The following LSAMP variants were observed in gnomAD, a reference collection of about 807,000 sequenced individuals.
LSAMP encodes the protein limbic system associated membrane protein, also known as limbic system-associated membrane protein.
In LSAMP, 7 loss-of-function variants were observed where a neutral mutation model predicts 38.6. The ratio of observed to expected loss-of-function variants is 0.18; its 90% CI spans 0.10 to 0.34. LSAMP has a LOEUF of 0.34. Ranked by LOEUF, LSAMP falls within the 10% of genes least tolerant of loss-of-function variation. The pLI, the probability that LSAMP is intolerant of heterozygous loss-of-function variation, is 1.00. For missense variants in LSAMP, 313 were observed against 420.0 expected (o/e 0.75, Z 2.23); for synonymous variants, 154 against 166.8 (o/e 0.92, Z 0.59).
chr3:116,350,876 A>T (rs1485891664), intron 1 of LSAMP, among the ~76,000 whole-genome samples: 1 of 152,054 alleles, frequency 6.6e-6, no homozygotes, highest in Non-Finnish European at 1.5e-5. Context: ...AAACTGTAAA[A>T]GTTATGAAGT....
chr3:116,275,665 G>A (rs927673519), intron 1 of LSAMP, among the ~76,000 whole-genome samples: 2 of 152,036 alleles, frequency 1.3e-5, no homozygotes, highest in East Asian at 3.9e-4. Context: ...TTTGCAGGCG[G>A]GACTGTGTGT....
chr3:116,108,038 C>A (rs1167689082), intron 1 of LSAMP, among the ~76,000 whole-genome samples: 1 of 152,060 alleles, frequency 6.6e-6, no homozygotes, highest in East Asian at 1.9e-4. Flanking sequence ...TTAATCCTTT[C>A]AAAGCATGCT....
chr3:116,325,316 T>G (rs896601132), intron 1 of LSAMP, among the ~76,000 whole-genome samples: 1 of 151,976 alleles, frequency 6.6e-6, no homozygotes, highest in East Asian at 1.9e-4. Flanking sequence ...TAAATATTAT[T>G]TCTTAAACAA....
intron 2 of LSAMP, among the ~76,000 whole-genome samples, chr3:116,037,597 G>A (rs937987646): frequency 3.9e-5 from 6 of 152,102 alleles, no homozygotes; most frequent in African/African-American, 1.2e-4. Flanking sequence ...TTTAGGGAAA[G>A]TATATTGGGT....
At position 116,444,791 on chromosome 3, in the gene LSAMP, CA is replaced by C. The variant is rs1559870686; in HGVS notation, c.155+85del. ...AGCTGGAGTTCAAGGAGATCAGACA[CA>C]CACACACACACACACACAAACACAC... On this transcript the variant is annotated intron_variant, in intron 1 of 6. Transcript: ENST00000490035. 8.0e-6 allele frequency: 7 copies of C among 875,684 alleles called. No homozygotes were observed. The African/African-American group carries it at 1.3e-4, about 17-fold the overall frequency. The allele number at this position is 875,684 out of a possible 1,614,324, so 54.2% of individuals were successfully genotyped here.
At chr3:116,000,330 G>A (rs1035014908) in intron 3 of LSAMP, among the ~76,000 whole-genome samples, 1 of 151,916 alleles carries the variant, frequency 6.6e-6, no homozygotes, top group Non-Finnish European at 1.5e-5. Context: ...TATATTTGCA[G>A]ATGAGAAAAC....
chr3:116,282,603 C>A (rs563062652), intron 1 of LSAMP, among the ~76,000 whole-genome samples: 53 of 152,292 alleles, frequency 3.5e-4, no homozygotes, highest in South Asian at 2.1e-4. Flanking sequence ...CTCAATCCCA[C>A]ATTTTCTGAC....
intron 2 of LSAMP, among the ~76,000 whole-genome samples, chr3:116,056,049 A>G (rs1941485703): frequency 6.6e-6 from 1 of 152,192 alleles, no homozygotes; most frequent in Admixed American, 6.6e-5. Flanking sequence ...TATAAAATAA[A>G]GGCAAGTTTC....
At chr3:115,904,107 T>C (rs569489987) in intron 3 of LSAMP, among the ~76,000 whole-genome samples, 1 of 152,046 alleles carries the variant, frequency 6.6e-6, no homozygotes, top group Non-Finnish European at 1.5e-5. Flanking sequence ...CTGTCGACGG[T>C]AGTCAAAAAA....
chr3:115,915,723 C>T (rs1937236037), intron 3 of LSAMP, among the ~76,000 whole-genome samples: 1 of 151,948 alleles, frequency 6.6e-6, no homozygotes, highest in African/African-American at 2.4e-5. Flanking sequence ...ACTTCCGCCT[C>T]CCGGGTTCAA....
intron 1 of LSAMP, among the ~76,000 whole-genome samples, chr3:116,390,378 G>T (rs1370418278): frequency 6.6e-6 from 1 of 152,094 alleles, no homozygotes; most frequent in Non-Finnish European, 1.5e-5. Context: ...CACATAGAAG[G>T]TAAAGCTTGA....
intron 1 of LSAMP, among the ~76,000 whole-genome samples, chr3:116,393,556 T>A (rs990868134): frequency 6.6e-6 from 1 of 152,136 alleles, no homozygotes; most frequent in East Asian, 1.9e-4. Context: ...GTGAGTCAAG[T>A]GCAGCCCACC....
At chr3:116,005,043 T>C (rs556519165) in intron 3 of LSAMP, among the ~76,000 whole-genome samples, 3 of 152,050 alleles carry the variant, frequency 2.0e-5, no homozygotes, top group East Asian at 3.9e-4. Context: ...ATAGTAGCAG[T>C]AGTAGTAGTA....
intron 3 of LSAMP, among the ~76,000 whole-genome samples, chr3:115,909,411 G>T (rs1937086222): frequency 6.6e-6 from 1 of 152,144 alleles, no homozygotes; most frequent in South Asian, 2.1e-4. Context: ...CAAATGAATG[G>T]CAAATGCTCA....
intron 3 of LSAMP, among the ~76,000 whole-genome samples, chr3:115,971,628 A>G (rs186178582): frequency 4.1e-4 from 63 of 152,310 alleles, no homozygotes; most frequent in African/African-American, 1.5e-3. Context: ...GTTAGTAAAA[A>G]TCATAAAGAC....
intron 1 of LSAMP, among the ~76,000 whole-genome samples, chr3:116,092,041 CCTT>C (rs1386079315): frequency 1.3e-5 from 2 of 152,090 alleles, no homozygotes; most frequent in African/African-American, 2.4e-5. Flanking sequence ...AAGACAGTGA[CCTT>C]CTTGTAATTC....
chr3:116,018,298 A>G (rs1940543132), intron 3 of LSAMP, among the ~76,000 whole-genome samples: 1 of 152,162 alleles, frequency 6.6e-6, no homozygotes, highest in African/African-American at 2.4e-5. Flanking sequence ...TTAATTTAGG[A>G]TCTAACATCA....
At chr3:115,985,432 T>C (rs1576283978) in intron 3 of LSAMP, among the ~76,000 whole-genome samples, 2 of 152,254 alleles carry the variant, frequency 1.3e-5, no homozygotes, top group Non-Finnish European at 2.9e-5. Context: ...AGTAAGCAGA[T>C]TGAAAAGAAG....
At chr3:116,440,749 G>T (rs1292418172) in intron 1 of LSAMP, among the ~76,000 whole-genome samples, 1 of 152,094 alleles carries the variant, frequency 6.6e-6, no homozygotes, top group Non-Finnish European at 1.5e-5. Flanking sequence ...TGCAATGCAC[G>T]ATCCTTACAG....
Sources: allele counts gnomAD v4.1 joint callset (sites outside exome capture counted in the v4.1 genomes callset), GRCh38; gene constraint gnomAD v4.1.1; transcripts MANE v1.5; gene names NCBI Gene and HGNC (gene_info 2026-07-23, HGNC 2026-07-21).